The following USP34 variants were observed in gnomAD, a reference collection of about 807,000 sequenced individuals.
USP34 encodes the protein ubiquitin carboxyl-terminal hydrolase 34.
A neutral mutation model predicts 460.3 loss-of-function variants in USP34; 70 were observed. That is an observed-to-expected ratio of 0.15 (90% CI 0.13 to 0.19). The LOEUF is 0.19. Ranked by LOEUF, USP34 falls within the 10% of genes least tolerant of loss-of-function variation. The pLI is 1.00. For synonymous variants in USP34, 1,647 were observed against 1,405.3 expected (o/e 1.17, Z -3.85); for missense variants, 3,985 against 4,236.2 (o/e 0.94, Z 1.65).
intron 67 of USP34, among the ~76,000 whole-genome samples, chr2:61,216,078 G>A (rs1442142517): frequency 6.6e-6 from 1 of 152,080 alleles, no homozygotes; most frequent in Non-Finnish European, 1.5e-5. Flanking sequence ...CAAAGTTAGG[G>A]TTTCTAAAAT....
intron 2 of USP34, chr2:61,417,218 C>T: frequency 6.7e-7 from 1 of 1,502,536 alleles, no homozygotes; most frequent in South Asian, 1.1e-5. Context: ...AGTGCAAGGT[C>T]AGAAACACGA....
intron 23 of USP34, among the ~76,000 whole-genome samples, chr2:61,316,980 T>G (rs775201755): frequency 2.6e-5 from 4 of 152,220 alleles, no homozygotes; most frequent in Non-Finnish European, 5.9e-5. Context: ...TATTCTTTTT[T>G]CTTCAGATGG....
chr2:61,431,798 G>T (rs1694683794), intron 1 of USP34, among the ~76,000 whole-genome samples: 2 of 152,084 alleles, frequency 1.3e-5, no homozygotes, highest in African/African-American at 4.8e-5. Context: ...AGGTTGCAGT[G>T]AGCTGAAATC....
Position 61,271,148 on chromosome 2 carries a change from A to C in USP34, c.5434-4981T>G, listed in dbSNP as rs931795944. Among the ~76,000 whole-genome samples the C allele has an allele frequency of 4.6e-5, 7 of 151,946 alleles. 1 individual carries two copies. The highest frequency in any genetic ancestry group is 1.7e-4 in the African/African-American group (7 of 41,360). Reference sequence around the variant, plus strand: ...AAACAAAACAAAACAACAACAACAAAAATTTAGCTGGGTGTGGTGACACAC... The same window carrying C: ...AAACAAAACAAAACAACAACAACAACAATTTAGCTGGGTGTGGTGACACAC... On this transcript the variant is annotated intron_variant, in intron 41 of 79. Coordinates refer to ENST00000398571, the MANE Select transcript of USP34 (RefSeq NM_014709.4).
intron 6 of USP34, among the ~76,000 whole-genome samples, chr2:61,380,905 C>G (rs938314784): frequency 1.3e-5 from 2 of 152,186 alleles, no homozygotes; most frequent in Non-Finnish European, 2.9e-5. Context: ...CCGCTCACCC[C>G]ACAAGACCAA....
intron 10 of USP34, among the ~76,000 whole-genome samples, chr2:61,366,460 C>T (rs377759031): frequency 3.3e-5 from 5 of 152,088 alleles, no homozygotes; most frequent in African/African-American, 7.2e-5. Context: ...CAGAAAAACA[C>T]GAGCAGCCAA....
At chr2:61,211,043 G>A (rs1687259925) in intron 69 of USP34, among the ~76,000 whole-genome samples, 1 of 152,056 alleles carries the variant, frequency 6.6e-6, no homozygotes, top group African/African-American at 2.4e-5. Flanking sequence ...TCCGGCAAAG[G>A]CGTAGTTAAT....
intron 38 of USP34, 42 bp downstream of exon 38, chr2:61,281,048 T>A: frequency 6.3e-7 from 1 of 1,586,074 alleles, no homozygotes; most frequent in South Asian, 1.1e-5. Context: ...GCAAAGGAAA[T>A]TTCAAAAATA....
chr2:61,368,454 C>A (rs1692508749), intron 10 of USP34, among the ~76,000 whole-genome samples: 1 of 151,786 alleles, frequency 6.6e-6, no homozygotes, highest in Admixed American at 6.6e-5. Context: ...GAAGAATGGG[C>A]ATGTCTGTGT....
At chr2:61,267,732 G>C (rs1025855464) in intron 41 of USP34, among the ~76,000 whole-genome samples, 3 of 152,120 alleles carry the variant, frequency 2.0e-5, no homozygotes, top group Admixed American at 6.6e-5. Flanking sequence ...TCCTGCCTCA[G>C]ACTCCCAATT....
chr2:61,250,954 C>G (rs1176534361), intron 48 of USP34, among the ~76,000 whole-genome samples: 1 of 152,106 alleles, frequency 6.6e-6, no homozygotes, highest in African/African-American at 2.4e-5. Flanking sequence ...CTGGCTAACA[C>G]AGTGAAACCC....
At chr2:61,284,989 A>C in intron 34 of USP34, 32 bp from the exon 35 acceptor site, 2 of 1,535,362 alleles carry the variant, frequency 1.3e-6, no homozygotes, top group Non-Finnish European at 1.8e-6. Context: ...AAAGATATTT[A>C]AATACAGCAA....
Position 61,257,369 on chromosome 2 carries a change from A to G in USP34, c.5845-19T>C, listed in dbSNP as rs774068246. On this transcript the variant is annotated intron_variant, in intron 44 of 79. Transcript: ENST00000398571. ...CACTCTCCTGCAAATAAAAAGGGGA[A>G]CATTCTAAGTGTCAGATAAAAATAA... 9.7e-6 allele frequency: 15 copies of G among 1,553,352 alleles called. No individual in the cohort carries two copies. The highest frequency in any genetic ancestry group is 1.3e-5 in the Non-Finnish European group (15 of 1,154,436).
At chr2:61,221,686 T>A in intron 65 of USP34, 80 bp from the exon 66 acceptor site, 1 of 1,266,982 alleles carries the variant, frequency 7.9e-7, no homozygotes, top group Non-Finnish European at 1.1e-6. Flanking sequence ...TATATTCTAC[T>A]ACACACTATA....
chr2:61,331,580 T>C (rs1299751567), intron 19 of USP34, among the ~76,000 whole-genome samples: 2 of 152,042 alleles, frequency 1.3e-5, no homozygotes, highest in Admixed American at 1.3e-4. Context: ...CCTTTGTAAG[T>C]TTTTAATCTC....
At chr2:61,360,274 T>C (rs1214839134) in intron 10 of USP34, among the ~76,000 whole-genome samples, 1 of 152,054 alleles carries the variant, frequency 6.6e-6, no homozygotes, top group Non-Finnish European at 1.5e-5. Context: ...TTACAAATGA[T>C]CATATATATG....
intron 29 of USP34, among the ~76,000 whole-genome samples, chr2:61,300,342 C>A (rs1373375930): frequency 6.6e-6 from 1 of 151,936 alleles, no homozygotes; most frequent in Non-Finnish European, 1.5e-5. Context: ...GCACACGGCA[C>A]CATGCCCAGC....
chr2:61,316,695 G>A (rs1184542241), intron 23 of USP34, among the ~76,000 whole-genome samples: 3 of 151,962 alleles, frequency 2.0e-5, no homozygotes, highest in Admixed American at 6.5e-5. Flanking sequence ...GACCAGCCCC[G>A]CCAACATGGT....
At chr2:61,248,708 AAAG>A (rs748867853) in intron 48 of USP34, 25 bp from the exon 49 acceptor site, 7 of 1,525,694 alleles carry the variant, frequency 4.6e-6, no homozygotes, top group Admixed American at 4.1e-5. Context: ...AAAAATTAAT[AAAG>A]ATTATTTTTT....
Sources: allele counts gnomAD v4.1 joint callset (sites outside exome capture counted in the v4.1 genomes callset), GRCh38; gene constraint gnomAD v4.1.1; transcripts MANE v1.5; gene names NCBI Gene and HGNC (gene_info 2026-07-23, HGNC 2026-07-21).